TRPS1: variants seen among roughly 807,000 people sequenced by gnomAD.
The protein encoded by TRPS1 is transcriptional repressor GATA binding 1, also known as zinc finger transcription factor Trps1.
In TRPS1, 6 loss-of-function variants were observed where a neutral mutation model predicts 101.2. That is an observed-to-expected ratio of 0.06 (90% CI 0.03 to 0.12). The LOEUF (loss-of-function observed/expected upper bound fraction) is 0.12, where lower values mean the gene tolerates loss of function less well. Ranked by LOEUF, TRPS1 falls within the 10% of genes least tolerant of loss-of-function variation. The pLI is 1.00. For synonymous variants in TRPS1, 578 were observed against 589.8 expected (o/e 0.98, Z 0.29); for missense variants, 1,363 against 1,567.0 (o/e 0.87, Z 2.20).
chr8:115,527,053 T>C (rs1340925688), intron 5 of TRPS1, among the ~76,000 whole-genome samples: 13 of 152,158 alleles, frequency 8.5e-5, no homozygotes. Flanking sequence ...GTGCAATTTA[T>C]ATACAAGTTT....
At chr8:115,483,582 A>C (rs919170286) in intron 5 of TRPS1, among the ~76,000 whole-genome samples, 4 of 152,128 alleles carry the variant, frequency 2.6e-5, no homozygotes, top group Non-Finnish European at 5.9e-5. Flanking sequence ...TATGATAAAT[A>C]ATCATCTCCA....
chr8:115,623,758 T>C lies in TRPS1; in HGVS notation c.-121A>G, dbSNP rs1012301990. The C allele has an allele frequency of 1.4e-6, 2 of 1,475,392 alleles. No homozygotes were observed. Among genetic ancestry groups the C allele is most frequent in the East Asian group, 2.5e-5 (1 of 40,370 alleles). The allele number at this position is 1,475,392 out of a possible 1,614,324, so 91.4% of individuals were successfully genotyped here. On this transcript the variant is annotated splice_region_variant and 5_prime_UTR_variant, in exon 2 of 7. It removes an upstream start codon present in the reference 5' UTR. Coordinates refer to ENST00000395715, the MANE Select transcript of TRPS1 (RefSeq NM_014112.5). ...GACATTTTGAGAGCTGATCTGTACA[T>C]CTGCAAAACAAAGCAAAAGAAAAAT...
intron 1 of TRPS1, among the ~76,000 whole-genome samples, chr8:115,658,305 G>A (rs958293866): frequency 2.0e-5 from 3 of 152,070 alleles, no homozygotes; most frequent in Non-Finnish European, 4.4e-5. Flanking sequence ...CTTGAGTCAC[G>A]CAAAGCCGGA....
intron 5 of TRPS1, among the ~76,000 whole-genome samples, chr8:115,572,122 C>T (rs189691986): frequency 2.0e-5 from 3 of 152,144 alleles, no homozygotes; most frequent in African/African-American, 7.2e-5. Flanking sequence ...TTAAAGCATG[C>T]ATGTCTTTGT....
chr8:115,559,287 G>T (rs907055255), intron 5 of TRPS1, among the ~76,000 whole-genome samples: 2 of 152,080 alleles, frequency 1.3e-5, no homozygotes, highest in African/African-American at 4.8e-5. Flanking sequence ...TGATACAAAA[G>T]TGAGAGTACA....
At chr8:115,484,473 C>A (rs953529202) in intron 5 of TRPS1, among the ~76,000 whole-genome samples, 12 of 152,168 alleles carry the variant, frequency 7.9e-5, no homozygotes, top group African/African-American at 2.9e-4. Context: ...ACTTCTCTAA[C>A]ACATCCTTCA....
At chr8:115,443,646 C>G (rs1813662550) in intron 5 of TRPS1, among the ~76,000 whole-genome samples, 1 of 152,182 alleles carries the variant, frequency 6.6e-6, no homozygotes, top group Non-Finnish European at 1.5e-5. Flanking sequence ...ATTAGACTCT[C>G]CTCAATGCAA....
At chr8:115,605,719 C>A (rs1220372653) in intron 3 of TRPS1, among the ~76,000 whole-genome samples, 2 of 152,138 alleles carry the variant, frequency 1.3e-5, no homozygotes, top group African/African-American at 2.4e-5. Flanking sequence ...GGTTCTGTTT[C>A]ATTGCAAAGG....
At position 115,442,550 on chromosome 8, in the gene TRPS1, C is replaced by CGTGTGTGTGT. The variant is rs10570037; in HGVS notation, c.2701-24108_2701-24099dup. On this transcript the variant is annotated intron_variant, in intron 5 of 6. Transcript: ENST00000395715. The stretch of plus-strand genomic sequence containing the variant: ...GGGTAGCAAGCATCCAAGTATGGTG[C>CGTGTGTGTGT]GTGTGTGTGTGTGTGTGTGTGTGTG... Among the ~76,000 whole-genome samples the CGTGTGTGTGT allele has an allele frequency of 7.5e-3, 1,088 of 145,086 alleles. 17 individuals are homozygous for CGTGTGTGTGT. The highest frequency in any genetic ancestry group is 0.026 in the African/African-American group (1,018 of 39,596).
At chr8:115,496,870 T>G (rs1815161493) in intron 5 of TRPS1, among the ~76,000 whole-genome samples, 1 of 152,230 alleles carries the variant, frequency 6.6e-6, no homozygotes, top group Non-Finnish European at 1.5e-5. Context: ...TATACATTTA[T>G]GTGTATATTT....
chr8:115,568,842 T>C (rs1817134835), intron 5 of TRPS1, among the ~76,000 whole-genome samples: 1 of 152,144 alleles, frequency 6.6e-6, no homozygotes, highest in Non-Finnish European at 1.5e-5. Flanking sequence ...TCAAAATAGC[T>C]TTTACTGAAA....
At chr8:115,565,177 GAC>G (rs1817037433) in intron 5 of TRPS1, among the ~76,000 whole-genome samples, 6 of 152,132 alleles carry the variant, frequency 3.9e-5, no homozygotes, top group Admixed American at 3.9e-4. Context: ...GCAGTTAAAT[GAC>G]ACATAACGAT....
chr8:115,414,762 T>C lies in TRPS1; in HGVS notation c.3146A>G (p.His1049Arg). 1.9e-6 allele frequency: 3 copies of C among 1,614,086 alleles called. No individual in the cohort carries two copies. Among genetic ancestry groups the C allele is most frequent in the Non-Finnish European group, 2.5e-6 (3 of 1,179,964 alleles). Residue 1049 changes from histidine to arginine, a missense_variant, in exon 7 of 7, where the codon CAC (histidine) becomes CGC (arginine). This residue lies in a region of TRPS1 where 307 missense variants were observed against 392.4 expected (regional missense o/e 0.78). Transcript: ENST00000395715. This position sits in a 1 kb window ranked among gnomAD's most constrained non-coding sequence, Gnocchi z 4.8. The part of the protein sequence containing the change: ...LDIHKRMQPL[H>R]IQIKSPQEST... ...TTCCTGAGGACTTTTTATCTGAATGTGCAAAGGTTGCATCCTTTTGTGAAT... is the reference window on the plus strand; with the variant it reads ...TTCCTGAGGACTTTTTATCTGAATGCGCAAAGGTTGCATCCTTTTGTGAAT...
chr8:115,608,753 A>G lies in TRPS1; in HGVS notation c.967-3751T>C, dbSNP rs567660910. Reference sequence around the variant, plus strand: ...GTAGCCACTAGCCACAAGTAGGCTTAGTAAAAATGAAGAACTGTTTTTTAA... The same window carrying G: ...GTAGCCACTAGCCACAAGTAGGCTTGGTAAAAATGAAGAACTGTTTTTTAA... On this transcript the variant is annotated intron_variant, in intron 3 of 6. Transcript: ENST00000395715. Among the ~76,000 whole-genome samples, 54 of 151,870 alleles carry G rather than the reference A, an allele frequency of 3.6e-4. 5 individuals are homozygous for G. Among genetic ancestry groups the G allele is most frequent in the African/African-American group, 1.3e-3 (54 of 41,104 alleles).
In TRPS1 at chr8:115,662,760, T is replaced by C. The variant is rs571681291; in HGVS notation, c.-122+5785A>G. ...AGGGTTAAAAAATTATCATCTAAAATTGTAAGAAAAAAAGAGCTGCCTGTA... is the reference window on the plus strand; with the variant it reads ...AGGGTTAAAAAATTATCATCTAAAACTGTAAGAAAAAAAGAGCTGCCTGTA... On this transcript the variant is annotated intron_variant, in intron 1 of 6. Transcript: ENST00000395715. 9.3e-5 allele frequency among the ~76,000 whole-genome samples: 14 copies of C among 150,836 alleles called. No homozygotes were observed. The East Asian group carries it at 2.3e-3, about 25-fold the overall frequency.
At chr8:115,427,250 C>G (rs1813209256) in intron 5 of TRPS1, among the ~76,000 whole-genome samples, 1 of 152,032 alleles carries the variant, frequency 6.6e-6, no homozygotes, top group African/African-American at 2.4e-5. Context: ...GTACTCCAGC[C>G]TGGGCAACAG....
chr8:115,586,511 T>A (rs1022334593), intron 5 of TRPS1, among the ~76,000 whole-genome samples: 1 of 152,198 alleles, frequency 6.6e-6, no homozygotes, highest in Non-Finnish European at 1.5e-5. Flanking sequence ...TTATACATAA[T>A]TATATCGTGG....
intron 5 of TRPS1, among the ~76,000 whole-genome samples, chr8:115,475,223 G>T (rs1814569639): frequency 6.9e-6 from 1 of 144,792 alleles, no homozygotes; most frequent in South Asian, 2.2e-4. Context: ...ATAACTTCTA[G>T]GGATGATGGA....
intron 5 of TRPS1, among the ~76,000 whole-genome samples, chr8:115,487,307 T>A (rs1019768661): frequency 6.6e-6 from 1 of 152,170 alleles, no homozygotes; most frequent in Non-Finnish European, 1.5e-5. Flanking sequence ...ACAATGCACC[T>A]GGTTACCCCA....
Sources: gnomAD v4.1 joint callset for allele counts (sites outside exome capture counted in the v4.1 genomes callset) on GRCh38, gnomAD v4.1.1 for gene constraint, gnomAD v4.1.1 regional missense constraint, Gnocchi (gnomAD v3.1) non-coding constraint, MANE v1.5 for transcripts, NCBI Gene and HGNC (gene_info 2026-07-23, HGNC 2026-07-21) for gene names.